TMED3: variants seen among roughly 807,000 people sequenced by gnomAD.
TMED3 encodes the protein transmembrane emp24 domain-containing protein 3.
Under a neutral mutation model 15.0 loss-of-function variants are expected in TMED3, and 9 were observed. The ratio of observed to expected loss-of-function variants is 0.60; its 90% confidence interval spans 0.36 to 1.04. The LOEUF (loss-of-function observed/expected upper bound fraction) is 1.04. TMED3 is among the 50% of genes least tolerant of loss of function. TMED3 has a pLI of 0.01. For synonymous variants in TMED3, 117 were observed against 121.4 expected, an observed-to-expected ratio of 0.96 and a Z score of 0.24; for missense variants, 267 against 278.9, an observed-to-expected ratio of 0.96 and a Z score of 0.30.
chr15:79,367,947 TCCAGGCCCC>T (rs965985507), intron 2 of TMED3, among the ~76,000 whole-genome samples: 2 of 152,166 alleles, frequency 1.3e-5, no homozygotes, highest in African/African-American at 4.8e-5. Context: ...TATACCTTTA[TCCAGGCCCC>T]TCAGGAAGTA....
At chr15:79,402,259 G>A (rs71409229) in intron 2 of TMED3, among the ~76,000 whole-genome samples, 1 of 152,130 alleles carries the variant, frequency 6.6e-6, no homozygotes, top group East Asian at 1.9e-4. Context: ...TTATCTGCAG[G>A]CTCCTGTGCC....
At chr15:79,405,555 C>T (rs115261250) in intron 2 of TMED3, among the ~76,000 whole-genome samples, 2 of 152,174 alleles carry the variant, frequency 1.3e-5, no homozygotes, top group Non-Finnish European at 2.9e-5. Flanking sequence ...GTAGAGATTG[C>T]AGGGTGCAGC....
chr15:79,354,623 CAA>C (rs60577285), intron 2 of TMED3, among the ~76,000 whole-genome samples: 42,188 of 120,740 alleles, frequency 0.35, 6,901 homozygotes, highest in African/African-American at 0.55. Context: ...ATAGAAGAGG[CAA>C]AAAAAAAAAA....
intron 2 of TMED3, among the ~76,000 whole-genome samples, chr15:79,328,349 A>G (rs189544954): frequency 9.3e-6 from 1 of 107,862 alleles, no homozygotes; most frequent in African/African-American, 3.4e-5. Context: ...AAAAAAAATT[A>G]AAAACCCCAT....
intron 2 of TMED3, among the ~76,000 whole-genome samples, chr15:79,372,657 G>A (rs1268906487): frequency 6.6e-6 from 1 of 152,156 alleles, no homozygotes; most frequent in East Asian, 1.9e-4. Flanking sequence ...CAGCAGAACA[G>A]CATGGGAAAA....
chr15:79,318,982 G>A lies in TMED3; in HGVS notation c.418-2996G>A, dbSNP rs150080729. Reference sequence around the variant, plus strand: ...GTATAGCCCACCTACCAAATGCAGGGAAGTGAAGAAGTCCAATGCTGACTA... The same window carrying A: ...GTATAGCCCACCTACCAAATGCAGGAAAGTGAAGAAGTCCAATGCTGACTA... On this transcript the variant is annotated intron_variant, in intron 2 of 2. Transcript: ENST00000299705. Among the ~76,000 whole-genome samples, 400 of 152,324 alleles carry A rather than the reference G, an allele frequency of 2.6e-3. 2 individuals carry two copies. Among genetic ancestry groups the A allele is most frequent in the Admixed American group, 0.015 (233 of 15,298 alleles).
At chr15:79,383,080 C>A in intron 2 of TMED3, 1 of 1,478,624 alleles carries the variant, frequency 6.8e-7, no homozygotes, top group Non-Finnish European at 9.1e-7. Context: ...CTCCACGGGA[C>A]ATGGCTCTTT....
Position 79,333,079 on chromosome 15 carries a change from G to T in TMED3, c.417+19074G>T, listed in dbSNP as rs1231377787. On this transcript the variant is annotated intron_variant, in intron 2 of 2. Transcript: ENST00000424155. ...CATTCTGACTGCCTGCTTGCAGTGGGACAGTCTTTAAACTCTGTGTATTCT... is the reference window on the plus strand; with the variant it reads ...CATTCTGACTGCCTGCTTGCAGTGGTACAGTCTTTAAACTCTGTGTATTCT... 3.3e-5 allele frequency among the ~76,000 whole-genome samples: 5 copies of T among 152,258 alleles called. No homozygotes were observed. The East Asian group carries it at 7.7e-4, about 24-fold the overall frequency.
chr15:79,385,485 C>T (rs963518375), intron 2 of TMED3, among the ~76,000 whole-genome samples: 2 of 152,180 alleles, frequency 1.3e-5, no homozygotes, highest in Non-Finnish European at 2.9e-5. Context: ...TGAGGTGCTG[C>T]ACCTGGGAAG....
chr15:79,370,256 ATTTTTTTTTTTTTT>A (rs398028085), intron 2 of TMED3, among the ~76,000 whole-genome samples: 1 of 104,950 alleles, frequency 9.5e-6, no homozygotes, highest in Non-Finnish European at 1.8e-5. Context: ...TGCCCAGCTA[ATTTTTTTTTTTTTT>A]TTTTTTTTTT....
At chr15:79,406,931 T>A (rs1313060916) in intron 2 of TMED3, among the ~76,000 whole-genome samples, 1 of 152,230 alleles carries the variant, frequency 6.6e-6, no homozygotes, top group Non-Finnish European at 1.5e-5. Context: ...ATGCAGCATT[T>A]TCTAGTGTCA....
intron 2 of TMED3, among the ~76,000 whole-genome samples, chr15:79,330,191 G>A (rs978808608): frequency 9.6e-4 from 146 of 152,154 alleles, no homozygotes; most frequent in Non-Finnish European, 1.9e-3. Context: ...GGAAGTCCTA[G>A]CCAGAGCAAT....
At chr15:79,351,367 A>G (rs1456936999) in intron 2 of TMED3, among the ~76,000 whole-genome samples, 1 of 152,216 alleles carries the variant, frequency 6.6e-6, no homozygotes, top group Admixed American at 6.5e-5. Flanking sequence ...CTCAGTTTAT[A>G]CACAAATCCA....
intron 2 of TMED3, among the ~76,000 whole-genome samples, chr15:79,352,312 T>G (rs1028695937): frequency 6.6e-6 from 1 of 152,108 alleles, no homozygotes; most frequent in Non-Finnish European, 1.5e-5. Flanking sequence ...AAGGCACCCA[T>G]GAAAGGTCAG....
chr15:79,355,557 T>C (rs1247650606), intron 2 of TMED3, among the ~76,000 whole-genome samples: 2 of 152,084 alleles, frequency 1.3e-5, no homozygotes, highest in African/African-American at 4.8e-5. Flanking sequence ...AAGCCAGACA[T>C]CCACAATAAC....
At chr15:79,323,031 C>T (rs1032707859), downstream of TMED3, among the ~76,000 whole-genome samples, 8 of 152,268 alleles carry the variant, frequency 5.3e-5, no homozygotes, top group African/African-American at 1.4e-4. Flanking sequence ...AGGAAGTCTC[C>T]TCGCATGCTC....
At chr15:79,396,541 A>G (rs1212837403) in intron 2 of TMED3, among the ~76,000 whole-genome samples, 1 of 152,200 alleles carries the variant, frequency 6.6e-6, no homozygotes, top group Non-Finnish European at 1.5e-5. Context: ...ATCTCAGGGT[A>G]GTTGGACTTT....
At chr15:79,383,989 A>G in intron 2 of TMED3, 1 of 152,312 alleles carries the variant, frequency 6.6e-6, no homozygotes, top group Non-Finnish European at 1.5e-5. Flanking sequence ...CAGAGAAGAG[A>G]TCGGAGAAAC....
In TMED3 at chr15:79,322,279, T is replaced by A. The variant is rs1005660156; in HGVS notation, c.*65T>A. On this transcript the variant is annotated 3_prime_UTR_variant, in exon 3 of 3. Coordinates refer to ENST00000299705, the MANE Select transcript of TMED3 (RefSeq NM_007364.4). The stretch of plus-strand genomic sequence containing the variant: ...GGAGCAGCTCTCCTAGGTCACAGCC[T>A]GCTGGGCTGGGTCGCGTAGCCCAGG... 14 of 1,558,014 alleles carry A rather than the reference T, an allele frequency of 9.0e-6. No homozygotes were observed. In the African/African-American group the frequency reaches 1.4e-4, roughly 15 times the overall value.
Sources: allele counts gnomAD v4.1 joint callset (sites outside exome capture counted in the v4.1 genomes callset), GRCh38; gene constraint gnomAD v4.1.1; transcripts MANE v1.5; gene names NCBI Gene and HGNC (gene_info 2026-07-23, HGNC 2026-07-21).